The following GABRR1 variants were observed in gnomAD, a reference collection of about 807,000 sequenced individuals.
GABRR1 encodes gamma-aminobutyric acid receptor subunit rho-1.
Under a neutral mutation model 55.5 loss-of-function variants are expected in GABRR1, and 59 were observed. The ratio of observed to expected loss-of-function variants is 1.06; its 90% confidence interval spans 0.86 to 1.32. The LOEUF is 1.32. Ranked by LOEUF, GABRR1 falls within the 40% of genes most tolerant of loss-of-function variation. The pLI is 0.00. For synonymous variants in GABRR1, 213 were observed against 226.0 expected (o/e 0.94, Z 0.51); for missense variants, 602 against 619.1 (o/e 0.97, Z 0.29).
At chr6:89,231,236 G>C (rs553629140) in exon 1 of GABRR1, 1 of 154,966 alleles carries the variant, frequency 6.5e-6, no homozygotes, top group South Asian at 2.0e-4. Flanking sequence ...CGTCGCTCAC[G>C]CTGGGAGCTG....
At chr6:89,189,042 C>CTGTGTGTGTGTGTG (rs71913424) in intron 6 of GABRR1, among the ~76,000 whole-genome samples, 19 of 147,430 alleles carry the variant, frequency 1.3e-4, no homozygotes, top group African/African-American at 4.0e-4. Flanking sequence ...GAACTCATGT[C>CTGTGTGTGTGTGTG]TGTGTGTGTG....
intron 1 of GABRR1, among the ~76,000 whole-genome samples, chr6:89,225,940 T>G (rs1773194038): frequency 6.7e-6 from 1 of 148,824 alleles, no homozygotes; most frequent in Non-Finnish European, 1.5e-5. Context: ...TTTCCTGACT[T>G]TTTAATGATT....
At chr6:89,206,613 C>T (rs1329976393) in intron 1 of GABRR1, among the ~76,000 whole-genome samples, 1 of 147,064 alleles carries the variant, frequency 6.8e-6, no homozygotes, top group East Asian at 2.0e-4. Flanking sequence ...AGATGAGAGA[C>T]TGTACTTTTT....
intron 1 of GABRR1, among the ~76,000 whole-genome samples, chr6:89,209,079 G>C (rs952534907): frequency 3.3e-5 from 5 of 152,074 alleles, no homozygotes; most frequent in African/African-American, 1.2e-4. Context: ...AGAGTAAAAA[G>C]AACACATCAA....
At chr6:89,214,800 G>A (rs1413585593) in intron 1 of GABRR1, among the ~76,000 whole-genome samples, 1 of 152,146 alleles carries the variant, frequency 6.6e-6, no homozygotes, top group Admixed American at 6.5e-5. Context: ...CAAGGTGGGA[G>A]GATCACTTGA....
chr6:89,180,004 C>T (rs932433824), intron 9 of GABRR1, among the ~76,000 whole-genome samples: 4 of 152,172 alleles, frequency 2.6e-5, no homozygotes, highest in Non-Finnish European at 2.9e-5. Context: ...GATTCCCTCA[C>T]TAAACTATGA....
chr6:89,197,539 G>A (rs573886721), intron 5 of GABRR1, among the ~76,000 whole-genome samples: 48 of 152,228 alleles, frequency 3.2e-4, no homozygotes, highest in Non-Finnish European at 5.9e-4. Context: ...TTTAAAAAGT[G>A]ATGTTCAGAA....
In GABRR1 at chr6:89,178,879, C is replaced by G. The variant is rs1426584623; in HGVS notation, c.1331G>C (p.Ser444Thr). The G allele has an allele frequency of 1.2e-6, 2 of 1,614,060 alleles. No individual in the cohort carries two copies. The highest frequency in any genetic ancestry group is 2.7e-5 in the African/African-American group (2 of 74,910). ...GGTGTCGATTCTCATGCTCACATAG[C>G]TGCTTCTCTGACTTTTCCTCTGTGG... is the stretch of plus-strand genomic sequence containing the variant. The part of the protein sequence containing the change: ...SSPQRKSQRS[S>T]YVSMRIDTHA... The change falls in exon 10 of 10, where the codon AGC becomes ACC. Residue 444 changes from serine to threonine, a missense_variant. This residue lies in a region of GABRR1 where 139 missense variants were observed against 141.1 expected (regional missense o/e 0.99). Coordinates refer to ENST00000454853, the MANE Select transcript of GABRR1 (RefSeq NM_002042.5).
intron 6 of GABRR1, among the ~76,000 whole-genome samples, chr6:89,187,206 GGGGT>G (rs950713083): frequency 7.5e-6 from 1 of 133,126 alleles, no homozygotes; most frequent in Non-Finnish European, 1.5e-5. Context: ...TGGTTTCTGG[GGGGT>G]GTGTGTGTGT....
At chr6:89,200,044 C>T (rs909689393) in intron 3 of GABRR1, among the ~76,000 whole-genome samples, 1 of 152,040 alleles carries the variant, frequency 6.6e-6, no homozygotes, top group Admixed American at 6.5e-5. Flanking sequence ...TTCCTGCCCC[C>T]CTTCTTCCCT....
At chr6:89,190,373 T>G in intron 5 of GABRR1, 126 bp from the exon 6 acceptor site, 1 of 588,060 alleles carries the variant, frequency 1.7e-6, no homozygotes, top group Non-Finnish European at 3.0e-6. Context: ...TCATAAGCAA[T>G]GTGTCAGGGT....
chr6:89,213,463 T>C lies in GABRR1; in HGVS notation c.122+3738A>G, dbSNP rs142618950. ...CCGCATATATCTGGAGCTTTCAATG[T>C]TCTTGTGCCATTTGATCCAGAACAC... On this transcript the variant is annotated intron_variant, in intron 1 of 9. Coordinates refer to ENST00000454853, the MANE Select transcript of GABRR1 (RefSeq NM_002042.5). Among the ~76,000 whole-genome samples the C allele has an allele frequency of 2.4e-3, 369 of 152,382 alleles. 3 individuals are homozygous for C. The highest frequency in any genetic ancestry group is 8.4e-3 in the African/African-American group (351 of 41,588).
intron 9 of GABRR1, 54 bp from the exon 10 acceptor site, chr6:89,179,117 C>T (rs2127787913): frequency 6.4e-7 from 1 of 1,561,114 alleles, no homozygotes; most frequent in Non-Finnish European, 8.7e-7. Flanking sequence ...CTCTCAGAAG[C>T]CCTTCAAAAG....
chr6:89,189,804 G>A (rs534647668), intron 6 of GABRR1, among the ~76,000 whole-genome samples: 3 of 152,270 alleles, frequency 2.0e-5, no homozygotes, highest in South Asian at 2.1e-4. Flanking sequence ...GGTGGCTCAC[G>A]CCTGTAATCC....
chr6:89,204,179 T>A (rs965891246), intron 1 of GABRR1, among the ~76,000 whole-genome samples: 32 of 152,206 alleles, frequency 2.1e-4, no homozygotes, highest in African/African-American at 7.5e-4. Flanking sequence ...CTTCGAATTG[T>A]CCTTTTATTC....
intron 6 of GABRR1, among the ~76,000 whole-genome samples, chr6:89,187,079 TC>T (rs371977601): frequency 2.7e-4 from 41 of 152,180 alleles, no homozygotes; most frequent in African/African-American, 9.6e-4. Flanking sequence ...CACAGGGGTG[TC>T]CACTGTGCTG....
chr6:89,186,507 T>C (rs1424444130), intron 6 of GABRR1, among the ~76,000 whole-genome samples: 1 of 152,210 alleles, frequency 6.6e-6, no homozygotes, highest in African/African-American at 2.4e-5. Context: ...GTGGGACTCT[T>C]AGCCAGCCCC....
At chr6:89,205,321 T>C (rs1772608765) in intron 1 of GABRR1, 1 of 152,270 alleles carries the variant, frequency 6.6e-6, no homozygotes, top group East Asian at 1.9e-4. Context: ...ATGTGGAAGG[T>C]CTGAGCTTAT....
intron 3 of GABRR1, among the ~76,000 whole-genome samples, chr6:89,200,268 A>C (rs1218452790): frequency 1.1e-5 from 1 of 90,530 alleles, no homozygotes; most frequent in Non-Finnish European, 2.0e-5. Context: ...TTTTTTTTGG[A>C]GACAGAGTCT....
Sources: gnomAD v4.1 joint callset for allele counts (sites outside exome capture counted in the v4.1 genomes callset) on GRCh38, gnomAD v4.1.1 for gene constraint, gnomAD v4.1.1 regional missense constraint, MANE v1.5 for transcripts, NCBI Gene and HGNC (gene_info 2026-07-23, HGNC 2026-07-21) for gene names.